ST6GALNAC5: variants seen among roughly 807,000 people sequenced by gnomAD.
ST6GALNAC5 encodes alpha-N-acetylgalactosaminide alpha-2,6-sialyltransferase 5.
ST6GALNAC5 carries 27 observed loss-of-function variants against 33.6 expected under a neutral mutation model. That is an observed-to-expected ratio of 0.80 (90% CI 0.59 to 1.11). The LOEUF is 1.11. Ranked by LOEUF, ST6GALNAC5 falls within the 50% of genes least tolerant of loss-of-function variation. The pLI is 0.00. For synonymous variants in ST6GALNAC5, 194 were observed against 171.2 expected, an observed-to-expected ratio of 1.13 and a Z score of -1.04; for missense variants, 428 against 454.0, an observed-to-expected ratio of 0.94 and a Z score of 0.52.
At chr1:76,881,643 C>T (rs188025365) in intron 2 of ST6GALNAC5, among the ~76,000 whole-genome samples, 2 of 152,158 alleles carry the variant, frequency 1.3e-5, no homozygotes, top group East Asian at 1.9e-4. Flanking sequence ...TCAATAAGTA[C>T]TTGTTGAATG....
At chr1:76,944,938 A>C (rs1647463563) in intron 2 of ST6GALNAC5, among the ~76,000 whole-genome samples, 1 of 152,148 alleles carries the variant, frequency 6.6e-6, no homozygotes, top group Non-Finnish European at 1.5e-5. Flanking sequence ...ATTTTGAGAA[A>C]TAAGGGGTTT....
At chr1:76,991,693 C>T (rs1458640360) in intron 2 of ST6GALNAC5, among the ~76,000 whole-genome samples, 2 of 152,136 alleles carry the variant, frequency 1.3e-5, no homozygotes, top group Non-Finnish European at 2.9e-5. Flanking sequence ...TTTAGCTCAG[C>T]CCTCCCTTAT....
chr1:76,882,166 C>T (rs1026397335), intron 2 of ST6GALNAC5, among the ~76,000 whole-genome samples: 13 of 152,162 alleles, frequency 8.5e-5, no homozygotes, highest in African/African-American at 2.9e-4. Context: ...CCACCAACCA[C>T]CAACTTTGCA....
At chr1:76,903,273 C>T (rs908973655) in intron 2 of ST6GALNAC5, among the ~76,000 whole-genome samples, 1 of 152,090 alleles carries the variant, frequency 6.6e-6, no homozygotes, top group Non-Finnish European at 1.5e-5. Context: ...ATAGACAAAG[C>T]ACACGGAAAG....
At chr1:77,059,429 G>A (rs182899057) in intron 4 of ST6GALNAC5, among the ~76,000 whole-genome samples, 15 of 152,088 alleles carry the variant, frequency 9.9e-5, no homozygotes, top group African/African-American at 3.6e-4. Context: ...TTCACTTGGG[G>A]TTTATCTAAT....
At chr1:77,020,967 G>A (rs1396107499) in intron 2 of ST6GALNAC5, among the ~76,000 whole-genome samples, 1 of 152,182 alleles carries the variant, frequency 6.6e-6, no homozygotes, top group Non-Finnish European at 1.5e-5. Context: ...GCAGCATCAA[G>A]TATCCCAAGA....
At chr1:77,005,356 G>A (rs546365218) in intron 2 of ST6GALNAC5, among the ~76,000 whole-genome samples, 198 of 152,170 alleles carry the variant, frequency 1.3e-3, no homozygotes, top group African/African-American at 4.4e-3. Context: ...GCTCGCGCAC[G>A]GTGCGCACAC....
chr1:76,872,849 C>T (rs1044779850), intron 2 of ST6GALNAC5, among the ~76,000 whole-genome samples: 2 of 152,088 alleles, frequency 1.3e-5, no homozygotes, highest in African/African-American at 2.4e-5. Context: ...ATGATGAAAC[C>T]CTGTTACCAC....
At chr1:77,030,944 A>C (rs1296263959) in intron 2 of ST6GALNAC5, among the ~76,000 whole-genome samples, 1 of 152,216 alleles carries the variant, frequency 6.6e-6, no homozygotes, top group Non-Finnish European at 1.5e-5. Flanking sequence ...AGCGGAGTGA[A>C]GGCAGTTGTG....
rs1335844684 is a variant in ST6GALNAC5, at chr1:77,012,885, C to T, written c.262-31319C>T. ...AGACAGACAGCAAAACCAGCAACAG[C>T]TTAATGTGGTGTTTCCATAGACATG... On this transcript the variant is annotated intron_variant, in intron 2 of 4. Coordinates refer to ENST00000477717, the MANE Select transcript of ST6GALNAC5 (RefSeq NM_030965.3). Among the ~76,000 whole-genome samples the T allele has an allele frequency of 3.3e-5, 5 of 152,166 alleles. No individual in the cohort carries two copies. In the South Asian group the frequency reaches 1.0e-3, roughly 32 times the overall value.
At chr1:77,041,290 G>A (rs150029384) in intron 2 of ST6GALNAC5, among the ~76,000 whole-genome samples, 52 of 152,252 alleles carry the variant, frequency 3.4e-4, no homozygotes, top group African/African-American at 1.1e-3. Context: ...GTGCCTAATT[G>A]CATTATAGCA....
intron 2 of ST6GALNAC5, among the ~76,000 whole-genome samples, chr1:76,930,196 T>C (rs992725731): frequency 6.6e-6 from 1 of 152,154 alleles, no homozygotes; most frequent in Non-Finnish European, 1.5e-5. Context: ...TCATTCTTTG[T>C]CTTATCATCT....
At chr1:76,985,031 A>G (rs1391186557) in intron 2 of ST6GALNAC5, among the ~76,000 whole-genome samples, 2 of 152,202 alleles carry the variant, frequency 1.3e-5, no homozygotes, top group Non-Finnish European at 2.9e-5. Flanking sequence ...AATAAGAACT[A>G]TTTATGACAA....
intron 2 of ST6GALNAC5, among the ~76,000 whole-genome samples, chr1:76,936,042 T>C (rs1376141865): frequency 6.6e-6 from 1 of 152,014 alleles, no homozygotes; most frequent in East Asian, 1.9e-4. Context: ...CCTGTTTGAC[T>C]CCCCAAGCAC....
At chr1:77,004,198 T>A (rs992436619) in intron 2 of ST6GALNAC5, among the ~76,000 whole-genome samples, 7 of 151,272 alleles carry the variant, frequency 4.6e-5, no homozygotes, top group Non-Finnish European at 1.0e-4. Flanking sequence ...TTTCTTTTTA[T>A]TCTTTTTTCT....
At chr1:76,872,267 A>G (rs1008558940) in intron 2 of ST6GALNAC5, among the ~76,000 whole-genome samples, 9 of 152,052 alleles carry the variant, frequency 5.9e-5, no homozygotes, top group Non-Finnish European at 2.9e-5. Context: ...GTGAAATGAA[A>G]CCGTGAGCTA....
At chr1:76,955,561 A>G (rs947436005) in intron 2 of ST6GALNAC5, among the ~76,000 whole-genome samples, 3 of 152,172 alleles carry the variant, frequency 2.0e-5, no homozygotes, top group African/African-American at 7.2e-5. Flanking sequence ...CTAGAATCCT[A>G]GGACAATGAG....
intron 2 of ST6GALNAC5, among the ~76,000 whole-genome samples, chr1:77,014,576 T>C (rs1261609686): frequency 2.0e-5 from 3 of 152,220 alleles, no homozygotes; most frequent in Non-Finnish European, 4.4e-5. Context: ...CTTGTCCACA[T>C]TGATTGGCAG....
chr1:76,966,322 C>T (rs1305478172), intron 2 of ST6GALNAC5, among the ~76,000 whole-genome samples: 1 of 152,116 alleles, frequency 6.6e-6, no homozygotes, highest in East Asian at 1.9e-4. Context: ...CTTCACATCC[C>T]TTGTAAGTTG....
Sources: allele counts gnomAD v4.1 joint callset (sites outside exome capture counted in the v4.1 genomes callset), GRCh38; gene constraint gnomAD v4.1.1; transcripts MANE v1.5; gene names NCBI Gene and HGNC (gene_info 2026-07-23, HGNC 2026-07-21).